The following MED27 variants were observed in gnomAD, a reference collection of about 807,000 sequenced individuals.
The protein encoded by MED27 is mediator of RNA polymerase II transcription subunit 27.
MED27 carries 30 observed loss-of-function variants against 38.2 expected under a neutral mutation model. The ratio of observed to expected loss-of-function variants is 0.79; its 90% CI spans 0.59 to 1.07. The LOEUF is 1.07. Among genes scored for constraint, MED27 ranks in the 50% least tolerant of loss-of-function variants. The probability of loss-of-function intolerance (pLI) is 0.00; values close to 1 mark genes in which losing one functional copy is unlikely to be tolerated. For synonymous variants in MED27, 122 were observed against 153.5 expected (o/e 0.79, Z 1.52); for missense variants, 289 against 397.5 (o/e 0.73, Z 2.32).
At chr9:131,869,253 G>A in intron 6 of MED27, 1 of 985,446 alleles carries the variant, frequency 1.0e-6, no homozygotes, top group Non-Finnish European at 1.2e-6. Flanking sequence ...TGGCTGTGGA[G>A]CACAGGAGAA....
intron 3 of MED27, among the ~76,000 whole-genome samples, chr9:131,958,142 A>T (rs1014378578): frequency 1.3e-5 from 2 of 152,148 alleles, no homozygotes; most frequent in Non-Finnish European, 2.9e-5. Flanking sequence ...ATTTTATTTT[A>T]TGTAAGTTAT....
chr9:132,059,103 C>T (rs1833645112), intron 2 of MED27, among the ~76,000 whole-genome samples: 1 of 152,194 alleles, frequency 6.6e-6, no homozygotes. Flanking sequence ...CGGCTACAGA[C>T]TCACACTACT....
chr9:131,936,446 C>T (rs557852935), intron 4 of MED27, among the ~76,000 whole-genome samples: 11 of 152,334 alleles, frequency 7.2e-5, no homozygotes, highest in South Asian at 2.1e-4. Context: ...GCCATACAGA[C>T]GGCTGGTTCC....
intron 2 of MED27, among the ~76,000 whole-genome samples, chr9:132,027,147 C>G (rs912052795): frequency 6.6e-6 from 1 of 152,198 alleles, no homozygotes; most frequent in African/African-American, 2.4e-5. Context: ...TCTGAATCAA[C>G]GGAGTGAGGA....
chr9:132,054,280 C>T (rs1833527269), intron 2 of MED27, among the ~76,000 whole-genome samples: 1 of 152,174 alleles, frequency 6.6e-6, no homozygotes, highest in Non-Finnish European at 1.5e-5. Context: ...CTCAGTGCTC[C>T]TGCTCTGACC....
At chr9:131,866,103 C>T (rs889342215) in intron 6 of MED27, among the ~76,000 whole-genome samples, 4 of 152,220 alleles carry the variant, frequency 2.6e-5, no homozygotes, top group African/African-American at 7.2e-5. Flanking sequence ...CAAGACCCTG[C>T]ACTCCCAGGT....
chr9:131,930,257 G>A (rs1203224218), intron 4 of MED27, among the ~76,000 whole-genome samples: 1 of 152,158 alleles, frequency 6.6e-6, no homozygotes, highest in African/African-American at 2.4e-5. Flanking sequence ...GTACAAGAAG[G>A]TTATAGAACA....
intron 3 of MED27, among the ~76,000 whole-genome samples, chr9:131,960,700 G>A (rs1414639239): frequency 1.3e-5 from 2 of 152,062 alleles, no homozygotes; most frequent in Non-Finnish European, 2.9e-5. Flanking sequence ...AAATTGGAGC[G>A]TATGTACAGA....
chr9:132,028,470 G>C (rs562948552), intron 2 of MED27, among the ~76,000 whole-genome samples: 21 of 151,840 alleles, frequency 1.4e-4, no homozygotes, highest in African/African-American at 4.6e-4. Flanking sequence ...ACCTAGGACA[G>C]TGCTTGGCAC....
intron 2 of MED27, among the ~76,000 whole-genome samples, chr9:132,017,472 A>G (rs1832629635): frequency 6.6e-6 from 1 of 152,244 alleles, no homozygotes; most frequent in African/African-American, 2.4e-5. Context: ...TATTTCAAAA[A>G]GCAACTTATC....
At chr9:131,871,169 C>T (rs888088721) in intron 6 of MED27, among the ~76,000 whole-genome samples, 7 of 152,146 alleles carry the variant, frequency 4.6e-5, no homozygotes, top group Non-Finnish European at 8.8e-5. Context: ...GCCCCGGATT[C>T]GGTGCTCACC....
intron 2 of MED27, among the ~76,000 whole-genome samples, chr9:132,065,871 A>G (rs909932987): frequency 6.6e-6 from 1 of 152,182 alleles, no homozygotes; most frequent in African/African-American, 2.4e-5. Flanking sequence ...GCTTTTCTGG[A>G]CATTCTGCTG....
Position 131,868,898 on chromosome 9 carries a change from A to G in MED27, c.724-5758T>C, listed in dbSNP as rs1838780298. On this transcript the variant is annotated intron_variant, in intron 6 of 7. Coordinates refer to ENST00000292035, the MANE Select transcript of MED27 (RefSeq NM_004269.4). ...GGCTGCTCAAGGGTAGCACGAACTG[A>G]ATTCACTAGAAAGTGTCCTCTTCAG... The G allele has an allele frequency of 4.1e-6, 4 of 985,468 alleles. No homozygotes were observed. The South Asian group carries it at 1.9e-4, about 46-fold the overall frequency. The allele number at this position is 985,468 out of a possible 1,614,324, so 61.0% of individuals were successfully genotyped here. A position where few individuals can be genotyped will look rare whatever the true frequency, so the allele number is the denominator to read the frequency against.
intron 5 of MED27, 119 bp downstream of exon 5, chr9:131,893,766 A>G: frequency 1.4e-6 from 1 of 694,620 alleles, no homozygotes; most frequent in South Asian, 1.7e-5. Flanking sequence ...TGACAAATCT[A>G]TGTTTGCTGA....
rs1208375896 is a variant in MED27, at chr9:131,882,989, CCT to C, written c.723+1067_723+1068del. On this transcript the variant is annotated intron_variant, in intron 6 of 7. Coordinates refer to ENST00000292035, the MANE Select transcript of MED27 (RefSeq NM_004269.4). ...ATGGCACAATCTGGGCTCACTGCAA[CCT>C]CTGTCTCCCAGGTTTAAGCAATTCT... 3.3e-5 allele frequency among the ~76,000 whole-genome samples: 5 copies of C among 151,810 alleles called. 1 individual carries two copies. Among genetic ancestry groups the C allele is most frequent in the African/African-American group, 1.2e-4 (5 of 41,298 alleles).
At chr9:132,031,234 G>A (rs941461941) in intron 2 of MED27, among the ~76,000 whole-genome samples, 1 of 152,190 alleles carries the variant, frequency 6.6e-6, no homozygotes, top group African/African-American at 2.4e-5. Flanking sequence ...GAAAACAGGT[G>A]GATAAATCTG....
At chr9:132,048,441 T>A (rs1437631050) in intron 2 of MED27, among the ~76,000 whole-genome samples, 1 of 152,156 alleles carries the variant, frequency 6.6e-6, no homozygotes, top group African/African-American at 2.4e-5. Context: ...AGGGAAAAAA[T>A]TAATATGACA....
chr9:131,891,579 T>C (rs920897305), intron 5 of MED27, among the ~76,000 whole-genome samples: 1 of 152,222 alleles, frequency 6.6e-6, no homozygotes, highest in Non-Finnish European at 1.5e-5. Context: ...GAACTTTCTC[T>C]AACCCAGAGT....
intron 2 of MED27, among the ~76,000 whole-genome samples, chr9:132,041,579 C>T (rs562999480): frequency 1.3e-4 from 20 of 152,332 alleles, no homozygotes; most frequent in South Asian, 8.3e-4. Flanking sequence ...CAGCCTCACA[C>T]GGCGTCAGAA....
Sources: gnomAD v4.1 joint callset for allele counts (sites outside exome capture counted in the v4.1 genomes callset) on GRCh38, gnomAD v4.1.1 for gene constraint, MANE v1.5 for transcripts, NCBI Gene and HGNC (gene_info 2026-07-23, HGNC 2026-07-21) for gene names.